CIT: variants seen among roughly 807,000 people sequenced by gnomAD.
The protein encoded by CIT is citron Rho-interacting kinase.
Under a neutral mutation model 272.7 loss-of-function variants are expected in CIT, and 79 were observed. The observed-to-expected ratio is 0.29, with a 90% CI of 0.24 to 0.35. The LOEUF (loss-of-function observed/expected upper bound fraction) is 0.35. CIT is among the 10% of genes least tolerant of loss of function. The pLI, the probability that CIT is intolerant of heterozygous loss-of-function variation, is 1.00. For synonymous variants in CIT, 948 were observed against 995.6 expected (o/e 0.95, Z 0.90); for missense variants, 1,909 against 2,618.3 (o/e 0.73, Z 5.91).
intron 22 of CIT, among the ~76,000 whole-genome samples, chr12:119,755,316 C>A (rs902035576): frequency 6.6e-6 from 1 of 152,108 alleles, no homozygotes; most frequent in East Asian, 1.9e-4. Flanking sequence ...ACCTTGACAA[C>A]CCCTAAAAAA....
At chr12:119,758,752 G>T in intron 20 of CIT, 52 bp from the exon 21 acceptor site, 1 of 1,172,000 alleles carries the variant, frequency 8.5e-7, no homozygotes, top group Middle Eastern at 1.9e-4. Context: ...GGAGTAACAG[G>T]GGCAGTGCGG....
At position 119,702,066 on chromosome 12, in the gene CIT, T is replaced by C. The variant is rs115257177; in HGVS notation, c.5305-108A>G. The C allele has an allele frequency of 9.8e-4, 779 of 793,272 alleles. 5 individuals carry two copies. In the African/African-American group the frequency reaches 0.011, roughly 11 times the overall value. The allele number at this position is 793,272 out of a possible 1,614,324, so 49.1% of individuals were successfully genotyped here. A position where few individuals can be genotyped will look rare whatever the true frequency, so the allele number is the denominator to read the frequency against. On this transcript the variant is annotated intron_variant, in intron 41 of 47. Transcript: ENST00000392521. Reference sequence around the variant, plus strand: ...GCATCTAGCCAAGCCCTGGAGAACATTGTCACCAAGCTTGTTCACGTTGTC... The same window carrying C: ...GCATCTAGCCAAGCCCTGGAGAACACTGTCACCAAGCTTGTTCACGTTGTC...
At chr12:119,691,680 T>A (rs1955959157) in intron 46 of CIT, among the ~76,000 whole-genome samples, 1 of 152,158 alleles carries the variant, frequency 6.6e-6, no homozygotes, top group African/African-American at 2.4e-5. Flanking sequence ...CTCCACCCAC[T>A]CCTGGCCTGG....
At chr12:119,796,561 T>A (rs1036077434) in intron 10 of CIT, among the ~76,000 whole-genome samples, 1 of 152,088 alleles carries the variant, frequency 6.6e-6, no homozygotes, top group Non-Finnish European at 1.5e-5. Flanking sequence ...GCTTACTGAG[T>A]GAGCGAGTGG....
chr12:119,799,893 C>T (rs1756013598), intron 10 of CIT, among the ~76,000 whole-genome samples: 1 of 150,048 alleles, frequency 6.7e-6, no homozygotes, highest in African/African-American at 2.5e-5. Context: ...ATGTGTGCCT[C>T]AAGACAATTC....
chr12:119,775,255 A>G (rs1419462609), intron 16 of CIT, among the ~76,000 whole-genome samples: 1 of 152,250 alleles, frequency 6.6e-6, no homozygotes, highest in East Asian at 1.9e-4. Context: ...CCTGGACAAC[A>G]GAGCAAGACT....
At chr12:119,775,751 G>A in intron 16 of CIT, 35 bp downstream of exon 16, 1 of 1,550,370 alleles carries the variant, frequency 6.5e-7, no homozygotes, top group Non-Finnish European at 8.9e-7. Context: ...GGAGGTGGTG[G>A]GGGGTAAGTT....
At chr12:119,840,311 C>CT in intron 5 of CIT, among the ~76,000 whole-genome samples, 1 of 152,180 alleles carries the variant, frequency 6.6e-6, no homozygotes. Flanking sequence ...CAGTCAGACT[C>CT]TGTCTCGAAA....
chr12:119,870,475 G>A (rs188093070), intron 2 of CIT, among the ~76,000 whole-genome samples: 9 of 147,516 alleles, frequency 6.1e-5, no homozygotes, highest in Admixed American at 3.4e-4. Context: ...GCCTGCACCC[G>A]GGAGATGGAG....
At chr12:119,800,269 C>A (rs952870767) in intron 10 of CIT, among the ~76,000 whole-genome samples, 2 of 152,080 alleles carry the variant, frequency 1.3e-5, no homozygotes, top group Non-Finnish European at 1.5e-5. Flanking sequence ...ACTAATTTCA[C>A]CATAACCCCA....
At chr12:119,735,904 AG>A (rs1402406988) in intron 24 of CIT, among the ~76,000 whole-genome samples, 1 of 152,032 alleles carries the variant, frequency 6.6e-6, no homozygotes, top group African/African-American at 2.4e-5. Flanking sequence ...AAAAAACTTC[AG>A]GGAAACTCAG....
intron 23 of CIT, among the ~76,000 whole-genome samples, chr12:119,744,353 C>A (rs1178726304): frequency 6.6e-6 from 1 of 151,666 alleles, no homozygotes; most frequent in Non-Finnish European, 1.5e-5. Context: ...CAAATAAGAA[C>A]CCAGAACCCA....
At chr12:119,856,515 T>A (rs1392530877) in intron 4 of CIT, among the ~76,000 whole-genome samples, 1 of 151,484 alleles carries the variant, frequency 6.6e-6, no homozygotes, top group Non-Finnish European at 1.5e-5. Flanking sequence ...CATTTCGCCA[T>A]TTCCCAGTCT....
In CIT at chr12:119,828,624, G is replaced by A. The variant is rs530023345; in HGVS notation, c.754-3256C>T. On this transcript the variant is annotated intron_variant, in intron 7 of 47. Transcript: ENST00000392521. Reference sequence around the variant, plus strand: ...GTCGCCCAGGCTAGAGTGCAGTGGCGCGATCTTGGCTCACTGCAACCTCCA... The same window carrying A: ...GTCGCCCAGGCTAGAGTGCAGTGGCACGATCTTGGCTCACTGCAACCTCCA... Among the ~76,000 whole-genome samples, 29 of 151,472 alleles carry A rather than the reference G, an allele frequency of 1.9e-4. No homozygotes were observed. In the South Asian group the frequency reaches 2.3e-3, roughly 12 times the overall value.
chr12:119,750,047 G>A (rs1441509000), intron 23 of CIT, among the ~76,000 whole-genome samples: 1 of 152,150 alleles, frequency 6.6e-6, no homozygotes, highest in African/African-American at 2.4e-5. Flanking sequence ...CCAATCCCCT[G>A]GGGAGAAAAA....
At chr12:119,847,670 C>T (rs190926729) in intron 5 of CIT, among the ~76,000 whole-genome samples, 15 of 152,198 alleles carry the variant, frequency 9.9e-5, no homozygotes, top group African/African-American at 2.9e-4. Flanking sequence ...GCGGGCAGAT[C>T]ATCTGAGGTC....
intron 12 of CIT, 121 bp downstream of exon 12, chr12:119,783,787 C>G: frequency 1.6e-6 from 2 of 1,258,314 alleles, no homozygotes; most frequent in Non-Finnish European, 2.2e-6. Flanking sequence ...TTTGTGCTCT[C>G]CCTCTCTCTA....
At position 119,804,397 on chromosome 12, in the gene CIT, T is replaced by C; in HGVS notation, c.1112-1008A>G. On this transcript the variant is annotated intron_variant, in intron 9 of 47. Coordinates refer to ENST00000392521, the MANE Select transcript of CIT (RefSeq NM_001206999.2). The surrounding 1 kb of genome is among the most constrained non-coding windows in gnomAD (Gnocchi z 5.3). ...GAGCCGAGCATCACATCCCCCGCAG[T>C]GCAGGCTGCATGCTCCCGGCTCCGT... is the stretch of plus-strand genomic sequence containing the variant. 1.0e-6 allele frequency: 1 copy of C among 985,658 alleles called. No individual in the cohort carries two copies. The highest frequency in any genetic ancestry group is 1.2e-6 in the Non-Finnish European group (1 of 830,122). The allele number at this position is 985,658 out of a possible 1,614,324, so 61.1% of individuals were successfully genotyped here. A position where few individuals can be genotyped will look rare whatever the true frequency, so the allele number is the denominator to read the frequency against.
intron 24 of CIT, among the ~76,000 whole-genome samples, chr12:119,737,263 C>T (rs901337687): frequency 1.7e-5 from 2 of 115,538 alleles, no homozygotes; most frequent in East Asian, 2.8e-4. Context: ...GCCACAATTG[C>T]GCCACTGCAC....
Sources: allele counts gnomAD v4.1 joint callset (sites outside exome capture counted in the v4.1 genomes callset), GRCh38; gene constraint gnomAD v4.1.1; non-coding constraint Gnocchi (gnomAD v3.1); transcripts MANE v1.5; gene names NCBI Gene and HGNC (gene_info 2026-07-23, HGNC 2026-07-21).